The following TCTN3 variants were observed in gnomAD, a reference collection of about 807,000 sequenced individuals.
TCTN3 encodes the protein tectonic-3.
A neutral mutation model predicts 71.3 loss-of-function variants in TCTN3; 57 were observed. The observed-to-expected ratio is 0.80, with a 90% confidence interval of 0.65 to 1.00. TCTN3 has a LOEUF of 1.00. Among genes scored for constraint, TCTN3 ranks in the 50% least tolerant of loss-of-function variants. TCTN3 has a pLI of 0.00. For missense variants in TCTN3, 696 were observed against 719.9 expected (o/e 0.97, Z 0.38); for synonymous variants, 258 against 267.8 (o/e 0.96, Z 0.36).
chr10:95,669,196 G>C (rs2139701906), intron 13 of TCTN3, among the ~76,000 whole-genome samples: 1 of 152,246 alleles, frequency 6.6e-6, no homozygotes, highest in East Asian at 1.9e-4. Flanking sequence ...CTGTGAAACA[G>C]GTAAGTCAAG....
rs1212060700 is a variant in TCTN3 at position 95,687,493 on chromosome 10, T to C, written c.627+99A>G. The stretch of plus-strand genomic sequence containing the variant: ...GCCCTCCAAAGAGCTGACAATGGTT[T>C]AGCTAGCTGCAGGGTAGTGCTGCAA... On this transcript the variant is annotated intron_variant, in intron 4 of 13. Transcript: ENST00000371217. The C allele has an allele frequency of 7.1e-6, 11 of 1,556,348 alleles. No individual in the cohort carries two copies. The East Asian group carries it at 2.5e-4, about 35-fold the overall frequency.
intron 2 of TCTN3, 82 bp downstream of exon 2, chr10:95,693,271 A>C: frequency 6.5e-7 from 1 of 1,528,410 alleles, no homozygotes; most frequent in South Asian, 1.2e-5. Flanking sequence ...GGAGGCACAA[A>C]GACTAACTCT....
At chr10:95,669,427 AC>A (rs1198375791) in intron 13 of TCTN3, among the ~76,000 whole-genome samples, 1 of 152,176 alleles carries the variant, frequency 6.6e-6, no homozygotes, top group African/African-American at 2.4e-5. Context: ...CTCAACCTCC[AC>A]ATCTACATAG....
At chr10:95,688,417 A>AAAAAAAAAAAAAAAAAC (rs2097950692) in intron 3 of TCTN3, among the ~76,000 whole-genome samples, 1 of 105,530 alleles carries the variant, frequency 9.5e-6, no homozygotes, top group African/African-American at 3.7e-5. Flanking sequence ...AAAAAAAAAA[A>AAAAAAAAAAAAAAAAAC]AGAAAAAAAA....
At chr10:95,671,459 T>C (rs1232982709) in intron 13 of TCTN3, among the ~76,000 whole-genome samples, 1 of 152,210 alleles carries the variant, frequency 6.6e-6, no homozygotes, top group East Asian at 1.9e-4. Context: ...ACGTTAGGCT[T>C]TGGTAATAAG....
At chr10:95,686,894 T>G (rs2097948800) in intron 6 of TCTN3, 150 bp downstream of exon 6, 10 of 646,766 alleles carry the variant, frequency 1.5e-5, no homozygotes, top group Non-Finnish European at 1.1e-5. Flanking sequence ...TCATTTGTCT[T>G]CAGATGTGGT....
Position 95,692,757 on chromosome 10 carries a change from C to A in TCTN3, c.499+163G>T, listed in dbSNP as rs1027504618. The A allele has an allele frequency of 1.3e-5, 8 of 595,072 alleles. No individual in the cohort carries two copies. In the Admixed American group the frequency reaches 1.5e-4, roughly 11 times the overall value. The allele number at this position is 595,072 out of a possible 1,614,324, so 36.9% of individuals were successfully genotyped here. ...TTGTAAACTTTCTTAAAACATTTGA[C>A]ATTTTTTTTGCTTTTTTTTTGTTGT... On this transcript the variant is annotated intron_variant, in intron 3 of 13. Transcript: ENST00000371217.
intron 3 of TCTN3, 27 bp downstream of exon 3, chr10:95,692,893 G>C (rs932850032): frequency 1.3e-6 from 2 of 1,531,890 alleles, no homozygotes; most frequent in Non-Finnish European, 1.8e-6. Flanking sequence ...GTTAGAAAAT[G>C]AGAACAACCA....
In TCTN3 at chr10:95,671,876, G is replaced by A. The variant is rs569598226; in HGVS notation, c.1591-7576C>T. Among the ~76,000 whole-genome samples the A allele has an allele frequency of 1.3e-4, 20 of 152,206 alleles. No homozygotes were observed. The South Asian group carries it at 3.5e-3, about 27-fold the overall frequency. ...CTCCCAAAGTGCTGGGATTACAGGC[G>A]TGAGCCACTGTGCCTGGCCTCTCAT... On this transcript the variant is annotated intron_variant, in intron 13 of 13. Transcript: ENST00000371217.
intron 3 of TCTN3, among the ~76,000 whole-genome samples, chr10:95,688,630 A>G (rs947806063): frequency 6.6e-6 from 1 of 152,186 alleles, no homozygotes; most frequent in African/African-American, 2.4e-5. Context: ...CAATGTTGCC[A>G]TCTCTCAAGT....
chr10:95,686,403 A>G (rs2097948304), intron 7 of TCTN3, 92 bp downstream of exon 7: 1 of 1,335,398 alleles, frequency 7.5e-7, no homozygotes, highest in Non-Finnish European at 1.1e-6. Flanking sequence ...GCTTACATTT[A>G]TCTTTCAACA....
chr10:95,686,395 T>A, intron 7 of TCTN3, 100 bp downstream of exon 7: 1 of 1,275,112 alleles, frequency 7.8e-7, no homozygotes, highest in Non-Finnish European at 1.1e-6. Flanking sequence ...TACATCACGC[T>A]TACATTTATC....
At chr10:95,692,881 G>A in intron 3 of TCTN3, 39 bp downstream of exon 3, 9 of 1,462,162 alleles carry the variant, frequency 6.2e-6, no homozygotes, top group Non-Finnish European at 8.6e-6. Context: ...TAACACTCCT[G>A]TGTTAGAAAA....
chr10:95,688,408 A>G (rs914924773), intron 3 of TCTN3, among the ~76,000 whole-genome samples: 5 of 141,944 alleles, frequency 3.5e-5, no homozygotes, highest in Non-Finnish European at 6.1e-5. Flanking sequence ...AAAAAAAAAA[A>G]AAAAAAAAAA....
At chr10:95,670,105 A>G (rs1306474133) in intron 13 of TCTN3, among the ~76,000 whole-genome samples, 1 of 148,428 alleles carries the variant, frequency 6.7e-6, no homozygotes, top group Non-Finnish European at 1.5e-5. Flanking sequence ...TTACAGATCT[A>G]TTTGACCCTT....
rs889709126 is a variant in TCTN3 at position 95,685,538 on chromosome 10, T to C, written c.969+18A>G. ...GATTAACACACATCAGTCCAGAATCTGAGGTCAGTATCCCTACCTGAGAAA... is the reference window on the plus strand; with the variant it reads ...GATTAACACACATCAGTCCAGAATCCGAGGTCAGTATCCCTACCTGAGAAA... On this transcript the variant is annotated intron_variant, in intron 8 of 13. Transcript: ENST00000371217. 6.5e-7 allele frequency: 1 copy of C among 1,543,244 alleles called. No homozygotes were observed. The highest frequency in any genetic ancestry group is 1.7e-4 in the Middle Eastern group (1 of 5,982).
At position 95,687,730 on chromosome 10, in the gene TCTN3, T is replaced by A. The variant is rs11188434; in HGVS notation, c.500-11A>T. 0.15 allele frequency: 243,924 copies of A among 1,597,844 alleles called. 20,541 individuals are homozygous for A. Among genetic ancestry groups the A allele is most frequent in the Middle Eastern group, 0.28 (1,704 of 5,992 alleles). On this transcript the variant is annotated splice_polypyrimidine_tract_variant and intron_variant, in intron 3 of 13. Transcript: ENST00000371217. Reference sequence around the variant, plus strand: ...AATAGTTTAAGTTTGCTAAAATGTTTTTTAAAAGAAAAAGCGTTTAGATAA... The same window carrying A: ...AATAGTTTAAGTTTGCTAAAATGTTATTTAAAAGAAAAAGCGTTTAGATAA...
intron 13 of TCTN3, among the ~76,000 whole-genome samples, chr10:95,677,764 T>A (rs2139724202): frequency 6.6e-6 from 1 of 152,214 alleles, no homozygotes; most frequent in South Asian, 2.1e-4. Context: ...TTAGGTTGTA[T>A]GAATGCAGAA....
At chr10:95,681,460 C>CT (rs2097942944) in intron 12 of TCTN3, among the ~76,000 whole-genome samples, 2 of 152,164 alleles carry the variant, frequency 1.3e-5, no homozygotes, top group Admixed American at 1.3e-4. Flanking sequence ...GATCATGTGG[C>CT]TAAAGTAAAG....
Sources: allele counts gnomAD v4.1 joint callset (sites outside exome capture counted in the v4.1 genomes callset), GRCh38; gene constraint gnomAD v4.1.1; transcripts MANE v1.5; gene names NCBI Gene and HGNC (gene_info 2026-07-23, HGNC 2026-07-21).